The following MATK variants were observed in gnomAD, a reference collection of about 807,000 sequenced individuals.
MATK encodes the protein megakaryocyte-associated tyrosine kinase.
MATK carries 41 observed loss-of-function variants against 59.8 expected under a neutral mutation model. That is an observed-to-expected ratio of 0.69 (90% CI 0.53 to 0.89). The LOEUF (loss-of-function observed/expected upper bound fraction) is 0.89. Among genes scored for constraint, MATK ranks in the 40% least tolerant of loss-of-function variants. MATK has a pLI of 0.00. For missense variants in MATK, 593 were observed against 719.6 expected (o/e 0.82, Z 2.01); for synonymous variants, 308 against 306.1 (o/e 1.01, Z -0.06).
At chr19:3,788,325 C>G (rs1188362603), upstream of MATK, among the ~76,000 whole-genome samples, 1 of 150,298 alleles carries the variant, frequency 6.7e-6, no homozygotes, top group Non-Finnish European at 1.5e-5. Context: ...CCCGTCTCTA[C>G]TAAAACTACA....
chr19:3,789,348 G>A (rs200684185), upstream of MATK: 20 of 772,978 alleles, frequency 2.6e-5, no homozygotes, highest in Admixed American at 3.2e-4. Context: ...GTCCCTGCAT[G>A]AGAGGGACAT....
At chr19:3,796,350 A>G (rs1187393579) in intron 1 of MATK, among the ~76,000 whole-genome samples, 1 of 152,074 alleles carries the variant, frequency 6.6e-6, no homozygotes, top group Non-Finnish European at 1.5e-5. Context: ...ACATCCCTTG[A>G]TTTATCAGTT....
Position 3,786,322 on chromosome 19 carries a change from G to A in MATK, c.-305C>T. ...GGGGCGAAGAAGGGTCGGGGAGTGG[G>A]GGAAAGCGGGAGGCGCCGCGGCCTG... On this transcript the variant is annotated 5_prime_UTR_variant, in exon 1 of 14. Coordinates refer to ENST00000310132, the MANE Select transcript of MATK (RefSeq NM_139355.3). The surrounding 1 kb of genome is among the most constrained non-coding windows in gnomAD (Gnocchi z 4.1). The A allele has an allele frequency of 1.0e-6, 1 of 984,626 alleles. No homozygotes were observed. Among genetic ancestry groups the A allele is most frequent in the Non-Finnish European group, 1.2e-6 (1 of 829,684 alleles). 61.0% of individuals were successfully genotyped at this position (984,626 alleles called of 1,614,324 possible). A position where few individuals can be genotyped will look rare whatever the true frequency, so the allele number is the denominator to read the frequency against.
At chr19:3,783,778 C>T in intron 6 of MATK, 36 bp downstream of exon 6, 1 of 1,592,564 alleles carries the variant, frequency 6.3e-7, no homozygotes, top group Middle Eastern at 1.7e-4. Context: ...GGCTGCCCCA[C>T]TGCAGGGACG....
intron 7 of MATK, chr19:3,782,780 G>A (rs189790040): frequency 6.0e-6 from 2 of 335,282 alleles, no homozygotes; most frequent in Non-Finnish European, 1.1e-5. Flanking sequence ...GGGAGGGCCT[G>A]AGGCTGGGCT....
intron 1 of MATK, among the ~76,000 whole-genome samples, chr19:3,800,889 G>A (rs1487449125): frequency 6.6e-6 from 1 of 152,046 alleles, no homozygotes; most frequent in African/African-American, 2.4e-5. Context: ...GAGACAGAGT[G>A]TCGCTCTGTC....
chr19:3,778,174 C>G lies in MATK; in HGVS notation c.*9G>C. The G allele has an allele frequency of 6.5e-7, 1 of 1,547,324 alleles. No homozygotes were observed. Among genetic ancestry groups the G allele is most frequent in the East Asian group, 2.4e-5 (1 of 42,038 alleles). On this transcript the variant is annotated 3_prime_UTR_variant, in exon 14 of 14. Coordinates refer to ENST00000310132, the MANE Select transcript of MATK (RefSeq NM_139355.3). ...GGTCCTCTGGGGCCAAGGGCCCCAC[C>G]GGGTGGGGTCAGGGCTCCTGGCTTC...
chr19:3,786,298 G>A lies in MATK; in HGVS notation c.-281C>T. On this transcript the variant is annotated 5_prime_UTR_variant, in exon 1 of 14. Transcript: ENST00000310132. This position sits in a 1 kb window ranked among gnomAD's most constrained non-coding sequence, Gnocchi z 4.1. The stretch of plus-strand genomic sequence containing the variant: ...GAGTTGCTCCGTTTCCTCATTTTGG[G>A]GGCGAAGAAGGGTCGGGGAGTGGGG... 1.0e-6 allele frequency: 1 copy of A among 985,038 alleles called. No individual in the cohort carries two copies. Among genetic ancestry groups the A allele is most frequent in the Non-Finnish European group, 1.2e-6 (1 of 829,812 alleles). 61.0% of individuals were successfully genotyped at this position (985,038 alleles called of 1,614,324 possible).
At position 3,784,178 on chromosome 19, in the gene MATK, C is replaced by T. The variant is rs773633572; in HGVS notation, c.308G>A (p.Gly103Glu). The part of the protein sequence containing the change: ...TSGQEGLLAA[G>E]ALREREALSA... ...GAGGGCCTCCCGCTCCCGCAGCGCC[C>T]CAGCTGCCAGCAGCCCCTCCTGTCC... The change falls in exon 5 of 14, where the codon GGG becomes GAG. Residue 103 changes from glycine (G) to glutamate (E), a missense_variant. By Grantham distance (98) the Gly-to-Glu change is moderately conservative. Coordinates refer to ENST00000310132, the MANE Select transcript of MATK (RefSeq NM_139355.3). The T allele has an allele frequency of 2.3e-5, 37 of 1,613,464 alleles. No individual in the cohort carries two copies. The highest frequency in any genetic ancestry group is 3.0e-5 in the Non-Finnish European group (35 of 1,179,794).
At chr19:3,790,140 C>A (rs1480755404), upstream of MATK, among the ~76,000 whole-genome samples, 2 of 150,814 alleles carry the variant, frequency 1.3e-5, no homozygotes, top group Non-Finnish European at 2.9e-5. Context: ...GACCTCCTGA[C>A]CAAGAATTAG....
At chr19:3,783,385 C>T (rs2037429371) in intron 6 of MATK, 166 bp from the exon 7 acceptor site, 1 of 639,938 alleles carries the variant, frequency 1.6e-6, no homozygotes, top group East Asian at 2.7e-5. Flanking sequence ...GAGGGGGAGT[C>T]CTCTGGATTG....
At chr19:3,789,272 C>A (rs1380619433), upstream of MATK, 2 of 777,894 alleles carry the variant, frequency 2.6e-6, no homozygotes, top group Admixed American at 3.4e-5. Flanking sequence ...TTGATTCTCA[C>A]CAGAAGCTGC....
Position 3,778,330 on chromosome 19 carries a change from G to A in MATK, c.1377C>T (p.Ser459=). 4 of 1,577,452 alleles carry A rather than the reference G, an allele frequency of 2.5e-6. No individual in the cohort carries two copies. Among genetic ancestry groups the A allele is most frequent in the Non-Finnish European group, 3.4e-6 (4 of 1,165,906 alleles). Residue 459 remains serine, a synonymous_variant, in exon 14 of 14, where the codon AGC becomes AGT. Transcript: ENST00000310132. ...CPGPVHVLMS[S]CWEAEPARRP... ...GGCGGGCGGGCTCTGCCTCCCAGCAGCTGCTCATGAGGACGTGCACGGGGC... is the reference window on the plus strand; with the variant it reads ...GGCGGGCGGGCTCTGCCTCCCAGCAACTGCTCATGAGGACGTGCACGGGGC...
chr19:3,779,224 A>C (rs976759052), intron 11 of MATK, 37 bp from the exon 12 acceptor site: 3 of 1,551,418 alleles, frequency 1.9e-6, no homozygotes, highest in Non-Finnish European at 2.6e-6. Flanking sequence ...CTCAGGTGCC[A>C]GGATGCCCAC....
Position 3,784,827 on chromosome 19 carries a change from T to C in MATK, c.130A>G (p.Thr44Ala). Reference sequence around the variant, plus strand: ...GGAAGCAGGCTAGACACACTCACCGTTGGCATCCTGGCTGAGACGGGAGGG... The same window carrying C: ...GGAAGCAGGCTAGACACACTCACCGCTGGCATCCTGGCTGAGACGGGAGGG... Reference protein sequence around the residue: ...HPPPVSARMPTRRWAPGTQCI... With the variant: ...HPPPVSARMPARRWAPGTQCI... The change falls in exon 3 of 14, where the codon ACG (threonine) becomes GCG (alanine). Residue 44 changes from threonine (T) to alanine (A), a missense_variant and splice_region_variant. Transcript: ENST00000310132. The C allele has an allele frequency of 5.2e-6, 8 of 1,551,236 alleles. No individual in the cohort carries two copies. The highest frequency in any genetic ancestry group is 1.4e-5 in the African/African-American group (1 of 72,986).
At chr19:3,778,707 A>G in intron 12 of MATK, 112 bp from the exon 13 acceptor site, 3 of 1,224,470 alleles carry the variant, frequency 2.5e-6, no homozygotes, top group Non-Finnish European at 3.5e-6. Flanking sequence ...TCTTCTCCTA[A>G]TTGAGTCCTC....
At chr19:3,788,535 C>A (rs2037510991), upstream of MATK, among the ~76,000 whole-genome samples, 1 of 147,540 alleles carries the variant, frequency 6.8e-6, no homozygotes, top group Admixed American at 6.9e-5. Flanking sequence ...TAGAGAATTG[C>A]TTGAACCTGG....
upstream of MATK, among the ~76,000 whole-genome samples, chr19:3,790,713 C>T (rs956387138): frequency 9.9e-5 from 15 of 152,208 alleles, no homozygotes; most frequent in African/African-American, 3.4e-4. Context: ...CCTTCCCCGC[C>T]GTGTCCAGCT....
At chr19:3,786,436 C>T (rs2037486114), upstream of MATK, 1 of 974,380 alleles carries the variant, frequency 1.0e-6, no homozygotes, top group Non-Finnish European at 1.2e-6. The surrounding 1 kb of genome is among the most constrained non-coding windows in gnomAD (Gnocchi z 4.1). Flanking sequence ...CCCGCCTCCG[C>T]GGCCCCCGGC....
Sources: allele counts gnomAD v4.1 joint callset (sites outside exome capture counted in the v4.1 genomes callset), GRCh38; gene constraint gnomAD v4.1.1; non-coding constraint Gnocchi (gnomAD v3.1); transcripts MANE v1.5; gene names NCBI Gene and HGNC (gene_info 2026-07-23, HGNC 2026-07-21).